Variants in BCL2 observed in about 807,000 individuals in gnomAD.
BCL2 encodes apoptosis regulator Bcl-2.
In BCL2, 1 loss-of-function variant was observed where a neutral mutation model predicts 14.2. The ratio of observed to expected loss-of-function variants is 0.07; its 90% CI spans 0.02 to 0.33. The LOEUF is 0.33. BCL2 is among the 10% of genes least tolerant of loss of function. The probability of loss-of-function intolerance (pLI) is 0.99; values close to 1 mark genes in which losing one functional copy is unlikely to be tolerated. For synonymous variants in BCL2, 151 were observed against 137.2 expected (o/e 1.10, Z -0.70); for missense variants, 247 against 305.9 (o/e 0.81, Z 1.44).
At chr18:63,183,598 A>G (rs551352445) in intron 2 of BCL2, among the ~76,000 whole-genome samples, 1 of 152,306 alleles carries the variant, frequency 6.6e-6, no homozygotes, top group South Asian at 2.1e-4. Flanking sequence ...TTCAAAGACA[A>G]CAAGAAGTAA....
chr18:63,269,079 G>T (rs1361889125), intron 2 of BCL2, among the ~76,000 whole-genome samples: 3 of 151,656 alleles, frequency 2.0e-5, no homozygotes, highest in African/African-American at 7.3e-5. Flanking sequence ...CTCCCAAGTA[G>T]CTAGGACTAT....
chr18:63,181,266 C>A (rs939292147), intron 2 of BCL2, among the ~76,000 whole-genome samples: 4 of 152,190 alleles, frequency 2.6e-5, no homozygotes, highest in Admixed American at 6.5e-5. Context: ...TGGCTGCTGG[C>A]CCTGGCACGC....
At chr18:63,261,827 T>G (rs1426157198) in intron 2 of BCL2, among the ~76,000 whole-genome samples, 1 of 151,932 alleles carries the variant, frequency 6.6e-6, no homozygotes, top group Non-Finnish European at 1.5e-5. Flanking sequence ...AATCTCGCTC[T>G]GGAGTGCAGT....
At chr18:63,242,933 C>T (rs1022003958) in intron 2 of BCL2, among the ~76,000 whole-genome samples, 6 of 152,106 alleles carry the variant, frequency 3.9e-5, no homozygotes, top group Admixed American at 1.3e-4. Flanking sequence ...TGAAATGCCC[C>T]AAAAAGTTGT....
At chr18:63,301,089 T>C (rs1912948886) in intron 2 of BCL2, among the ~76,000 whole-genome samples, 1 of 152,158 alleles carries the variant, frequency 6.6e-6, no homozygotes, top group African/African-American at 2.4e-5. Flanking sequence ...TGAAAATATG[T>C]TAGATAAAAC....
rs572660420 is a variant in BCL2 at position 63,152,953 on chromosome 18, C to T, written c.586-24194G>A. On this transcript the variant is annotated intron_variant, in intron 2 of 2. Transcript: ENST00000333681. Reference sequence around the variant, plus strand: ...TCCAACTTGCTTGCACGAATATCCACTGCCTGCCCACTCTCTCTCATCTGA... The same window carrying T: ...TCCAACTTGCTTGCACGAATATCCATTGCCTGCCCACTCTCTCTCATCTGA... Among the ~76,000 whole-genome samples the T allele has an allele frequency of 3.9e-5, 6 of 152,370 alleles. No homozygotes were observed. In the East Asian group the frequency reaches 7.7e-4, roughly 20 times the overall value.
At chr18:63,155,550 G>C (rs1310849054) in intron 2 of BCL2, among the ~76,000 whole-genome samples, 1 of 152,152 alleles carries the variant, frequency 6.6e-6, no homozygotes, top group Non-Finnish European at 1.5e-5. Flanking sequence ...GCGCGGTAAA[G>C]AGACTGCCGT....
intron 2 of BCL2, among the ~76,000 whole-genome samples, chr18:63,152,820 C>T (rs947775785): frequency 1.3e-5 from 2 of 152,178 alleles, no homozygotes. Context: ...TAATGCTTCA[C>T]CATATCTTCA....
At chr18:63,165,519 T>C (rs957996971) in intron 2 of BCL2, among the ~76,000 whole-genome samples, 7 of 152,192 alleles carry the variant, frequency 4.6e-5, no homozygotes, top group African/African-American at 1.7e-4. Context: ...TCTGCTTCCA[T>C]ACCCTGCTCA....
At chr18:63,235,367 T>C (rs1206816152) in intron 2 of BCL2, among the ~76,000 whole-genome samples, 2 of 152,186 alleles carry the variant, frequency 1.3e-5, no homozygotes, top group African/African-American at 4.8e-5. Context: ...GACACACCTG[T>C]AGCATTCTTC....
In BCL2 at chr18:63,270,856, C is replaced by T. The variant is rs543207239; in HGVS notation, c.585+47226G>A. 5.9e-5 allele frequency among the ~76,000 whole-genome samples: 9 copies of T among 151,710 alleles called. No individual in the cohort carries two copies. The East Asian group carries it at 1.2e-3, about 20-fold the overall frequency. ...TTTTTTTGAGACAGTCTGGCTCTGT[C>T]GCCCAGGCTGGAGTACGGTGGTGCG... On this transcript the variant is annotated intron_variant, in intron 2 of 2. Coordinates refer to ENST00000333681, the MANE Select transcript of BCL2 (RefSeq NM_000633.3).
chr18:63,254,515 A>C (rs948317230), intron 2 of BCL2, among the ~76,000 whole-genome samples: 1 of 150,210 alleles, frequency 6.7e-6, no homozygotes, highest in Non-Finnish European at 1.5e-5. Flanking sequence ...AAATCATGTC[A>C]CTGCACTCAA....
chr18:63,216,257 G>A lies in BCL2; in HGVS notation c.586-87498C>T, dbSNP rs530556750. 5.9e-5 allele frequency among the ~76,000 whole-genome samples: 9 copies of A among 152,158 alleles called. No homozygotes were observed. The South Asian group carries it at 1.9e-3, about 32-fold the overall frequency. ...AAATAACACAGTGGAAGTGGAAGTG[G>A]ATAATCATCAAAGTGCTGACCCCCA... On this transcript the variant is annotated intron_variant, in intron 2 of 2. Coordinates refer to ENST00000333681, the MANE Select transcript of BCL2 (RefSeq NM_000633.3).
Position 63,128,465 on chromosome 18 carries a change from G to A in BCL2, c.*160C>T. Reference sequence around the variant, plus strand: ...TTTTGCCTGAAGACTGTTAATTGTTGTGTGTGTGTGTGTCTGTCTGTGTGT... The same window carrying A: ...TTTTGCCTGAAGACTGTTAATTGTTATGTGTGTGTGTGTCTGTCTGTGTGT... On this transcript the variant is annotated 3_prime_UTR_variant, in exon 3 of 3. Transcript: ENST00000333681. 2.4e-6 allele frequency: 1 copy of A among 424,622 alleles called. No individual in the cohort carries two copies. Among genetic ancestry groups the A allele is most frequent in the Non-Finnish European group, 4.3e-6 (1 of 230,708 alleles). The allele number at this position is 424,622 out of a possible 1,614,324, so 26.3% of individuals were successfully genotyped here.
At chr18:63,241,484 G>GAT (rs1910999155) in intron 2 of BCL2, among the ~76,000 whole-genome samples, 1 of 152,126 alleles carries the variant, frequency 6.6e-6, no homozygotes, top group Admixed American at 6.5e-5. Flanking sequence ...GAGATAACTT[G>GAT]ATATGATAAG....
chr18:63,267,824 C>T (rs1329566580), intron 2 of BCL2, among the ~76,000 whole-genome samples: 3 of 152,134 alleles, frequency 2.0e-5, no homozygotes, highest in Non-Finnish European at 4.4e-5. Flanking sequence ...AATCCCTGCT[C>T]TCTCCCTCCT....
intron 2 of BCL2, among the ~76,000 whole-genome samples, chr18:63,216,896 G>A (rs1016843594): frequency 6.6e-6 from 1 of 152,178 alleles, no homozygotes; most frequent in African/African-American, 2.4e-5. Flanking sequence ...TTCAATTGTG[G>A]TTTTCCTTCT....
chr18:63,271,691 A>C (rs1192604591), intron 2 of BCL2, among the ~76,000 whole-genome samples: 1 of 152,228 alleles, frequency 6.6e-6, no homozygotes, highest in Non-Finnish European at 1.5e-5. Context: ...TACAACAGAA[A>C]GATTTTCTAT....
intron 2 of BCL2, among the ~76,000 whole-genome samples, chr18:63,286,513 T>A (rs375049065): frequency 8.6e-5 from 13 of 151,996 alleles, no homozygotes; most frequent in Middle Eastern, 3.4e-3. Flanking sequence ...GGGCGAGGAT[T>A]GGGAGCAGAA....
Sources: gnomAD v4.1 joint callset for allele counts (sites outside exome capture counted in the v4.1 genomes callset) on GRCh38, gnomAD v4.1.1 for gene constraint, MANE v1.5 for transcripts, NCBI Gene and HGNC (gene_info 2026-07-23, HGNC 2026-07-21) for gene names.